Variants in PCBD2 observed in about 807,000 individuals in gnomAD.
The protein encoded by PCBD2 is pterin-4-alpha-carbinolamine dehydratase 2.
In PCBD2, 12 loss-of-function variants were observed where a neutral mutation model predicts 16.4. The ratio of observed to expected loss-of-function variants is 0.73; its 90% CI spans 0.47 to 1.19. PCBD2 has a LOEUF of 1.19. Among genes scored for constraint, PCBD2 ranks in the 50% most tolerant of loss-of-function variants. The probability of loss-of-function intolerance (pLI) is 0.00; values close to 1 mark genes in which losing one functional copy is unlikely to be tolerated. For missense variants in PCBD2, 138 were observed against 156.8 expected (o/e 0.88, Z 0.64); for synonymous variants, 58 against 61.8 (o/e 0.94, Z 0.29).
chr5:134,918,702 A>G (rs1053801080), intron 2 of PCBD2, among the ~76,000 whole-genome samples: 3 of 152,180 alleles, frequency 2.0e-5, no homozygotes, highest in African/African-American at 7.2e-5. Context: ...TCATTGGAAT[A>G]GAATAGAGAC....
chr5:134,944,319 A>G (rs1751266343), intron 2 of PCBD2, among the ~76,000 whole-genome samples: 1 of 152,158 alleles, frequency 6.6e-6, no homozygotes, highest in Non-Finnish European at 1.5e-5. Context: ...CCAGAAATGA[A>G]CATGGTCAAT....
chr5:134,950,254 G>A (rs996516624), intron 2 of PCBD2, among the ~76,000 whole-genome samples: 52 of 152,232 alleles, frequency 3.4e-4, no homozygotes, highest in African/African-American at 9.9e-4. Context: ...TGGAGTAGCT[G>A]GTGCTCATTT....
chr5:134,960,195 G>C (rs1751459755), intron 3 of PCBD2, among the ~76,000 whole-genome samples: 1 of 152,042 alleles, frequency 6.6e-6, no homozygotes, highest in South Asian at 2.1e-4. Context: ...AAACGTTGCT[G>C]CTAAGATATT....
chr5:134,915,023 C>T (rs1028062120), intron 2 of PCBD2, among the ~76,000 whole-genome samples: 2 of 152,236 alleles, frequency 1.3e-5, no homozygotes, highest in Non-Finnish European at 1.5e-5. Context: ...ACTTTTAAAA[C>T]TCACATACCA....
At chr5:134,947,870 AAACT>A (rs1296320171) in intron 2 of PCBD2, among the ~76,000 whole-genome samples, 2 of 152,272 alleles carry the variant, frequency 1.3e-5, no homozygotes, top group East Asian at 3.9e-4. Flanking sequence ...TGCTAAAACA[AAACT>A]AACTAAACTT....
chr5:134,918,850 G>A (rs145000970), intron 2 of PCBD2, among the ~76,000 whole-genome samples: 2 of 152,224 alleles, frequency 1.3e-5, no homozygotes, highest in African/African-American at 2.4e-5. Flanking sequence ...TAGAATGTCA[G>A]TGTTGGCGTC....
chr5:134,953,633 A>G (rs1180378790), intron 2 of PCBD2, among the ~76,000 whole-genome samples: 3 of 151,998 alleles, frequency 2.0e-5, no homozygotes, highest in Non-Finnish European at 2.9e-5. Flanking sequence ...TGTCTCTACT[A>G]AAAATACAAA....
chr5:134,931,728 G>A (rs775130035), intron 2 of PCBD2, among the ~76,000 whole-genome samples: 2 of 152,214 alleles, frequency 1.3e-5, no homozygotes, highest in Non-Finnish European at 2.9e-5. Flanking sequence ...TTGCAGTTTT[G>A]TTTAGGAATG....
At chr5:134,909,642 A>T (rs2149529735) in intron 1 of PCBD2, among the ~76,000 whole-genome samples, 1 of 152,312 alleles carries the variant, frequency 6.6e-6, no homozygotes, top group African/African-American at 2.4e-5. Context: ...GGGCCATCCA[A>T]AGAGCAATAG....
chr5:134,957,354 CCATGCCCTTAACAATTG>C (rs1751425784), intron 2 of PCBD2, among the ~76,000 whole-genome samples: 1 of 152,212 alleles, frequency 6.6e-6, no homozygotes, highest in African/African-American at 2.4e-5. Context: ...GCTCAAAAGG[CCATGCCCTTAACAATTG>C]CATTGCTGTC....
intron 2 of PCBD2, chr5:134,924,847 G>T: frequency 2.6e-6 from 1 of 391,580 alleles, no homozygotes; most frequent in South Asian, 1.3e-4. Context: ...GCCTAGATAA[G>T]GGACTGTGCG....
intron 2 of PCBD2, among the ~76,000 whole-genome samples, chr5:134,952,817 A>AAT: frequency 6.6e-6 from 1 of 152,068 alleles, no homozygotes; most frequent in East Asian, 1.9e-4. Context: ...TAAAAAAAAA[A>AAT]AAAAAAGTTA....
rs1750753892 is a variant in PCBD2, at chr5:134,910,401, G to A, written c.151G>A (p.Gly51Arg). ...NQAILDLKAA[G>R]WSELSERDAI... is the part of the protein sequence containing the mutation. ...AGCTATACTTGACCTTAAAGCAGCA[G>A]GATGGTCGGAATTAAGTGAGAGAGA... is the stretch of plus-strand genomic sequence containing the variant. The change falls in exon 2 of 4, where the codon GGA becomes AGA. Residue 51 changes from glycine to arginine, a missense_variant. By Grantham distance (125) the Gly-to-Arg change is moderately radical. Coordinates refer to ENST00000254908, the MANE Select transcript of PCBD2 (RefSeq NM_032151.5). The A allele has an allele frequency of 1.2e-6, 2 of 1,613,952 alleles. No homozygotes were observed. The highest frequency in any genetic ancestry group is 2.7e-5 in the African/African-American group (2 of 74,930).
At chr5:134,926,634 G>T in intron 2 of PCBD2, 1 of 396,534 alleles carries the variant, frequency 2.5e-6, no homozygotes, top group South Asian at 1.3e-4. Context: ...TTCACAATCT[G>T]ATGTTTTGGT....
intron 2 of PCBD2, among the ~76,000 whole-genome samples, chr5:134,919,640 A>G (rs1750878127): frequency 6.6e-6 from 1 of 152,214 alleles, no homozygotes; most frequent in Admixed American, 6.5e-5. Flanking sequence ...AACTTAGGAA[A>G]TTGCTGAGGC....
intron 2 of PCBD2, among the ~76,000 whole-genome samples, chr5:134,949,280 CCTTCAAATTGGT>C (rs1401817841): frequency 1.3e-5 from 2 of 152,038 alleles, no homozygotes; most frequent in African/African-American, 4.8e-5. Flanking sequence ...ATTTCTTTGG[CCTTCAAATTGGT>C]CTTCTGCTAG....
intron 2 of PCBD2, among the ~76,000 whole-genome samples, chr5:134,914,043 A>G (rs1750799352): frequency 6.6e-6 from 1 of 152,050 alleles, no homozygotes; most frequent in Non-Finnish European, 1.5e-5. Flanking sequence ...GGTGGGTGTA[A>G]GAGGCTGGAG....
chr5:134,947,519 G>GA (rs1751309892), intron 2 of PCBD2, among the ~76,000 whole-genome samples: 1 of 151,392 alleles, frequency 6.6e-6, no homozygotes, highest in African/African-American at 2.4e-5. Flanking sequence ...TCCCGAGTAG[G>GA]TGGCACTACA....
Position 134,961,949 on chromosome 5 carries a change from A to G in PCBD2, c.*1268A>G, listed in dbSNP as rs1044224828. Among the ~76,000 whole-genome samples, 4 of 151,858 alleles carry G rather than the reference A, an allele frequency of 2.6e-5. No individual in the cohort carries two copies. The highest frequency in any genetic ancestry group is 1.9e-4 in the East Asian group (1 of 5,186). On this transcript the variant is annotated 3_prime_UTR_variant, in exon 4 of 4. Coordinates refer to ENST00000254908, the MANE Select transcript of PCBD2 (RefSeq NM_032151.5). Reference sequence around the variant, plus strand: ...ACTAATTTTTAAATTTTTTGTAGAGATGGGGTCTCCCATCTTGCCCAGGCT... The same window carrying G: ...ACTAATTTTTAAATTTTTTGTAGAGGTGGGGTCTCCCATCTTGCCCAGGCT...
Sources: gnomAD v4.1 joint callset for allele counts (sites outside exome capture counted in the v4.1 genomes callset) on GRCh38, gnomAD v4.1.1 for gene constraint, MANE v1.5 for transcripts, NCBI Gene and HGNC (gene_info 2026-07-23, HGNC 2026-07-21) for gene names.